Variants in NRG1 observed in about 807,000 individuals in gnomAD.
NRG1 encodes neuregulin 1.
In NRG1, 18 loss-of-function variants were observed where a neutral mutation model predicts 63.8. The ratio of observed to expected loss-of-function variants is 0.28; its 90% CI spans 0.19 to 0.42. NRG1 has a LOEUF of 0.42. NRG1 is among the 10% of genes least tolerant of loss of function. The pLI is 1.00. For synonymous variants in NRG1, 302 were observed against 301.3 expected (o/e 1.00, Z -0.02); for missense variants, 762 against 814.7 (o/e 0.94, Z 0.79).
intron 1 of NRG1, among the ~76,000 whole-genome samples, chr8:31,653,077 A>G (rs941025825): frequency 6.4e-5 from 9 of 139,698 alleles, no homozygotes; most frequent in African/African-American, 2.4e-4. Flanking sequence ...TTGATCTTTC[A>G]ATAAAAATAA....
At chr8:32,389,206 T>C (rs751843800) in intron 1 of NRG1, among the ~76,000 whole-genome samples, 1 of 152,144 alleles carries the variant, frequency 6.6e-6, no homozygotes, top group Non-Finnish European at 1.5e-5. Context: ...GTAAACCAAA[T>C]ACCATTTCAG....
At chr8:32,577,302 A>G (rs941648658) in intron 1 of NRG1, among the ~76,000 whole-genome samples, 8 of 152,160 alleles carry the variant, frequency 5.3e-5, no homozygotes, top group Non-Finnish European at 8.8e-5. Context: ...GAGTCTTTCA[A>G]TGGGTTCCAT....
intron 1 of NRG1, among the ~76,000 whole-genome samples, chr8:32,348,247 T>C (rs1303625486): frequency 6.6e-6 from 1 of 152,140 alleles, no homozygotes. Context: ...TCTGTGTTTT[T>C]TTGTTTTGTT....
chr8:31,943,183 G>A (rs558188078), intron 1 of NRG1, among the ~76,000 whole-genome samples: 14 of 151,970 alleles, frequency 9.2e-5, no homozygotes, highest in African/African-American at 2.9e-4. Context: ...GTACACACAC[G>A]CCATGGAATA....
intron 1 of NRG1, among the ~76,000 whole-genome samples, chr8:31,936,610 AACTC>A: frequency 6.6e-6 from 1 of 152,338 alleles, no homozygotes; most frequent in Non-Finnish European, 1.5e-5. Flanking sequence ...TTAAATACAA[AACTC>A]ACTCACTTTA....
rs139060414 is a variant in NRG1 at position 32,565,961 on chromosome 8, G to A, written c.100+17135G>A. ...GGGTACTTGGAAACTTACCGAGTTCGTGGCTTGAGGTTCTGTGGCCTACCA... is the reference window on the plus strand; with the variant it reads ...GGGTACTTGGAAACTTACCGAGTTCATGGCTTGAGGTTCTGTGGCCTACCA... On this transcript the variant is annotated intron_variant, in intron 1 of 11. Coordinates refer to ENST00000356819, the Ensembl canonical transcript of NRG1. Among the ~76,000 whole-genome samples, 876 of 152,222 alleles carry A rather than the reference G, an allele frequency of 5.8e-3. 4 individuals are homozygous for A. Among genetic ancestry groups the A allele is most frequent in the Middle Eastern group, 0.027 (8 of 294 alleles).
intron 5 of NRG1, among the ~76,000 whole-genome samples, chr8:32,694,786 G>A (rs1812811864): frequency 6.6e-6 from 1 of 152,170 alleles, no homozygotes; most frequent in African/African-American, 2.4e-5. Context: ...TAAAATCAAA[G>A]GAGCTTTAGT....
intron 1 of NRG1, among the ~76,000 whole-genome samples, chr8:32,165,790 AC>A (rs1188191336): frequency 6.6e-6 from 1 of 152,174 alleles, no homozygotes; most frequent in Non-Finnish European, 1.5e-5. Flanking sequence ...CTAGTCTATA[AC>A]CCATAATATC....
At chr8:32,473,661 T>G (rs1462274371) in intron 1 of NRG1, among the ~76,000 whole-genome samples, 1 of 152,148 alleles carries the variant, frequency 6.6e-6, no homozygotes, top group Non-Finnish European at 1.5e-5. Flanking sequence ...TGGGCTTCTA[T>G]CCTTATACTA....
At chr8:32,459,178 C>G (rs1821990424) in intron 1 of NRG1, among the ~76,000 whole-genome samples, 1 of 152,180 alleles carries the variant, frequency 6.6e-6, no homozygotes, top group South Asian at 2.1e-4. Flanking sequence ...CCAACCAGCT[C>G]TTCTGGTCTT....
intron 1 of NRG1, among the ~76,000 whole-genome samples, chr8:32,315,858 C>G (rs1338992665): frequency 1.3e-5 from 2 of 149,226 alleles, no homozygotes; most frequent in African/African-American, 5.2e-5. Context: ...TTAATGCTTG[C>G]CATTGGGCCA....
intron 1 of NRG1, among the ~76,000 whole-genome samples, chr8:32,057,293 G>T (rs1403598616): frequency 6.6e-6 from 1 of 152,068 alleles, no homozygotes; most frequent in Non-Finnish European, 1.5e-5. Flanking sequence ...ATTATACTTG[G>T]TCAGCTATTG....
intron 1 of NRG1, among the ~76,000 whole-genome samples, chr8:31,677,429 A>G (rs1807828919): frequency 6.6e-6 from 1 of 152,178 alleles, no homozygotes; most frequent in Non-Finnish European, 1.5e-5. Flanking sequence ...TAGGTTTGAT[A>G]TCCCTATCTG....
At chr8:32,425,655 CAT>C (rs1353247508) in intron 1 of NRG1, among the ~76,000 whole-genome samples, 1 of 152,158 alleles carries the variant, frequency 6.6e-6, no homozygotes, top group Admixed American at 6.6e-5. Context: ...GAGCTGAAAA[CAT>C]ATGTACATCT....
rs77147689 is a variant in NRG1 at position 31,670,995 on chromosome 8, C to G, written c.37+31564C>G. ...CAAATAGGTCCCAGTGTCTATTGTT[C>G]CCATCTTTATATCCAAGTGTACTGA... is the stretch of plus-strand genomic sequence containing the variant. On this transcript the variant is annotated intron_variant, in intron 1 of 10. Transcript: ENST00000519301. Among the ~76,000 whole-genome samples the G allele has an allele frequency of 2.7e-3, 415 of 152,204 alleles. 18 individuals carry two copies. The East Asian group carries it at 0.07, about 26-fold the overall frequency.
At chr8:32,670,246 G>A (rs927750338) in intron 5 of NRG1, among the ~76,000 whole-genome samples, 1 of 152,162 alleles carries the variant, frequency 6.6e-6, no homozygotes, top group Non-Finnish European at 1.5e-5. Flanking sequence ...TGTATTTAGG[G>A]TTTGAGGTGA....
intron 1 of NRG1, among the ~76,000 whole-genome samples, chr8:32,300,412 T>G (rs1276439326): frequency 2.0e-5 from 3 of 152,208 alleles, no homozygotes; most frequent in Non-Finnish European, 4.4e-5. Context: ...ACTGCTTCCA[T>G]CAGGGAAAAT....
At chr8:31,666,769 G>C (rs1160441416) in intron 1 of NRG1, among the ~76,000 whole-genome samples, 1 of 152,152 alleles carries the variant, frequency 6.6e-6, no homozygotes, top group Non-Finnish European at 1.5e-5. Flanking sequence ...TTCAGAATGG[G>C]CTCTTCCATC....
rs139550155 is a variant in NRG1 at position 32,217,822 on chromosome 8, T to C, written c.38-378006T>C. On this transcript the variant is annotated intron_variant, in intron 1 of 10. Transcript: ENST00000519301. ...TATACATCATAGAACAAAACAGTCC[T>C]GCCCCCATGAAGTTTCATTCTAGCT... Among the ~76,000 whole-genome samples, 392 of 152,290 alleles carry C rather than the reference T, an allele frequency of 2.6e-3. 3 individuals carry two copies. Among genetic ancestry groups the C allele is most frequent in the African/African-American group, 9.0e-3 (376 of 41,574 alleles).
Sources: gnomAD v4.1 joint callset for allele counts (sites outside exome capture counted in the v4.1 genomes callset) on GRCh38, gnomAD v4.1.1 for gene constraint, MANE v1.5 for transcripts, NCBI Gene and HGNC (gene_info 2026-07-23, HGNC 2026-07-21) for gene names.